The following PCDHA9 variants were observed in gnomAD, a reference collection of about 807,000 sequenced individuals.
PCDHA9 encodes the protein protocadherin alpha-9.
PCDHA9 carries 62 observed loss-of-function variants against 62.0 expected under a neutral mutation model. The observed-to-expected ratio is 1.00, with a 90% CI of 0.81 to 1.23. The LOEUF (loss-of-function observed/expected upper bound fraction) is 1.23. Among genes scored for constraint, PCDHA9 ranks in the 50% most tolerant of loss-of-function variants. PCDHA9 has a pLI of 0.00. For synonymous variants in PCDHA9, 557 were observed against 567.6 expected, an observed-to-expected ratio of 0.98 and a Z score of 0.27; for missense variants, 1,205 against 1,249.8, an observed-to-expected ratio of 0.96 and a Z score of 0.54.
At chr5:140,930,208 A>G (rs939593947) in intron 1 of PCDHA9, 39 of 152,338 alleles carry the variant, frequency 2.6e-4, no homozygotes, top group African/African-American at 8.2e-4. Flanking sequence ...AGAAATATTT[A>G]TGTGTTCAAA....
chr5:140,978,915 A>T, intron 1 of PCDHA9, 34 bp from the exon 2 acceptor site: 3 of 1,613,970 alleles, frequency 1.9e-6, no homozygotes, highest in Non-Finnish European at 2.5e-6. Flanking sequence ...TTGTCTTGTC[A>T]TTTTAACAGA....
At chr5:140,958,400 A>G (rs1236102640) in intron 1 of PCDHA9, among the ~76,000 whole-genome samples, 1 of 152,196 alleles carries the variant, frequency 6.6e-6, no homozygotes, top group African/African-American at 2.4e-5. Context: ...ATCAAACATT[A>G]TCACTGATGC....
chr5:140,865,536 A>G (rs2048910301), intron 1 of PCDHA9: 1 of 152,222 alleles, frequency 6.6e-6, no homozygotes, highest in African/African-American at 2.4e-5. Flanking sequence ...CTTCATCCAT[A>G]GCTATAGGAC....
At chr5:140,938,897 G>T (rs72800999) in intron 1 of PCDHA9, among the ~76,000 whole-genome samples, 1 of 151,198 alleles carries the variant, frequency 6.6e-6, no homozygotes, top group East Asian at 1.9e-4. Context: ...ACACAGATGC[G>T]CACACACACA....
chr5:141,008,346 C>T lies in PCDHA9; in HGVS notation c.2543-1281C>T, dbSNP rs1223206383. Among the ~76,000 whole-genome samples the T allele has an allele frequency of 2.0e-5, 3 of 152,158 alleles. No homozygotes were observed. The East Asian group carries it at 5.8e-4, about 29-fold the overall frequency. On this transcript the variant is annotated intron_variant, in intron 3 of 3. Coordinates refer to ENST00000532602, the MANE Select transcript of PCDHA9 (RefSeq NM_031857.2). ...ACAGTTTATTTGATGGAGCTTTTCA[C>T]GTGTCAACCAAAGGAGCAGTGTTAG...
In PCDHA9 at chr5:140,982,522, G is replaced by A; in HGVS notation, c.2501G>A (p.Gly834Glu). Residue 834 changes from glycine to glutamate, a missense_variant, in exon 3 of 4, where the codon GGG (glycine) becomes GAG (glutamate). Coordinates refer to ENST00000532602, the MANE Select transcript of PCDHA9 (RefSeq NM_031857.2). ...GGCATTCTACGGGCTGGTCCAGGAG[G>A]GCCTGATCAGCAGTGGCCAACAGTA... ...EAGILRAGPG[G>E]PDQQWPTVSS... 2.5e-6 allele frequency: 4 copies of A among 1,614,182 alleles called. No homozygotes were observed. Among genetic ancestry groups the A allele is most frequent in the Non-Finnish European group, 3.4e-6 (4 of 1,180,032 alleles).
rs561153933 is a variant in PCDHA9, at chr5:140,927,279, G to A, written c.2395-51670G>A. Reference sequence around the variant, plus strand: ...CACCTCTCTTTCCTGCCGGCGACGTGCAGCTGCACATCCCCGAGTTCCTGA... The same window carrying A: ...CACCTCTCTTTCCTGCCGGCGACGTACAGCTGCACATCCCCGAGTTCCTGA... On this transcript the variant is annotated intron_variant, in intron 1 of 3. Transcript: ENST00000532602. 14 of 1,614,136 alleles carry A rather than the reference G, an allele frequency of 8.7e-6. 1 individual carries two copies. The South Asian group carries it at 1.4e-4, about 16-fold the overall frequency.
chr5:140,961,477 G>T (rs2095615587), intron 1 of PCDHA9, among the ~76,000 whole-genome samples: 1 of 152,006 alleles, frequency 6.6e-6, no homozygotes, highest in African/African-American at 2.4e-5. Flanking sequence ...TTTTTGTCTT[G>T]TCCACGTGAG....
intron 1 of PCDHA9, among the ~76,000 whole-genome samples, chr5:140,900,791 T>A (rs2068293056): frequency 6.6e-6 from 1 of 152,200 alleles, no homozygotes; most frequent in African/African-American, 2.4e-5. Flanking sequence ...TCCAAACTGT[T>A]CTCCATAGTG....
chr5:140,877,647 G>A, intron 1 of PCDHA9: 2 of 1,613,510 alleles, frequency 1.2e-6, no homozygotes, highest in South Asian at 1.1e-5. Flanking sequence ...GTTGCTCAGC[G>A]CCGCCCACCG....
At chr5:140,876,775 C>A (rs373638459) in intron 1 of PCDHA9, 3 of 1,614,130 alleles carry the variant, frequency 1.9e-6, no homozygotes, top group Non-Finnish European at 1.7e-6. Flanking sequence ...CTCGCCTTCG[C>A]TGTGGGCCAC....
chr5:140,928,733 A>G (rs1435823697), intron 1 of PCDHA9: 2 of 1,614,100 alleles, frequency 1.2e-6, no homozygotes, highest in Non-Finnish European at 1.7e-6. Context: ...ATTTCAGCCA[A>G]TATAGGTGAG....
intron 1 of PCDHA9, among the ~76,000 whole-genome samples, chr5:140,874,881 CCTAA>C (rs1562692558): frequency 6.6e-6 from 1 of 152,102 alleles, no homozygotes; most frequent in African/African-American, 2.4e-5. Context: ...AATACAAATT[CCTAA>C]CTTTCTCTAA....
intron 1 of PCDHA9, among the ~76,000 whole-genome samples, chr5:140,938,203 C>T (rs1181415730): frequency 6.6e-6 from 1 of 152,146 alleles, no homozygotes; most frequent in Non-Finnish European, 1.5e-5. Flanking sequence ...ACGCCAGCCT[C>T]CCAAAGTGCT....
chr5:140,976,142 C>T (rs1554237347), intron 1 of PCDHA9, among the ~76,000 whole-genome samples: 2 of 152,138 alleles, frequency 1.3e-5, no homozygotes, highest in Admixed American at 1.3e-4. Context: ...GGATGAAACT[C>T]ATGTACATTT....
chr5:140,966,793 G>A lies in PCDHA9; in HGVS notation c.2395-12156G>A, dbSNP rs1456903567. 4.6e-6 allele frequency: 7 copies of A among 1,532,300 alleles called. No homozygotes were observed. The Admixed American group carries it at 5.8e-5, about 13-fold the overall frequency. The allele number at this position is 1,532,300 out of a possible 1,614,324, so 94.9% of individuals were successfully genotyped here. A position where few individuals can be genotyped will look rare whatever the true frequency, so the allele number is the denominator to read the frequency against. ...TGGAGCAGGCGGGCACCAGACCTGC[G>A]GCGACAGAGCATCCACGGCTCCGGC... On this transcript the variant is annotated intron_variant, in intron 1 of 3. Transcript: ENST00000532602.
intron 1 of PCDHA9, among the ~76,000 whole-genome samples, chr5:140,931,278 T>G (rs1488323710): frequency 1.3e-5 from 2 of 152,174 alleles, no homozygotes; most frequent in Non-Finnish European, 2.9e-5. Context: ...TCTTTTATTT[T>G]CATTGCTTTC....
chr5:140,936,134 C>A (rs782197390), intron 1 of PCDHA9, among the ~76,000 whole-genome samples: 1 of 152,176 alleles, frequency 6.6e-6, no homozygotes, highest in Non-Finnish European at 1.5e-5. Context: ...CTTAAGTGAT[C>A]TGCCCGCCTT....
At chr5:140,884,995 T>C (rs1168400289) in intron 1 of PCDHA9, among the ~76,000 whole-genome samples, 1 of 152,228 alleles carries the variant, frequency 6.6e-6, no homozygotes, top group African/African-American at 2.4e-5. Context: ...AAAATGTTTG[T>C]TTTAATGAGG....
Sources: allele counts gnomAD v4.1 joint callset (sites outside exome capture counted in the v4.1 genomes callset), GRCh38; gene constraint gnomAD v4.1.1; transcripts MANE v1.5; gene names NCBI Gene and HGNC (gene_info 2026-07-23, HGNC 2026-07-21).